EFNB2: variants seen among roughly 807,000 people sequenced by gnomAD.
EFNB2 encodes ephrin-B2.
In EFNB2, 5 loss-of-function variants were observed where a neutral mutation model predicts 32.1. The observed-to-expected ratio is 0.16, with a 90% CI of 0.08 to 0.33. The LOEUF is 0.33. Among genes scored for constraint, EFNB2 ranks in the 10% least tolerant of loss-of-function variants. The pLI is 1.00. For missense variants in EFNB2, 263 were observed against 422.6 expected (o/e 0.62, Z 3.31); for synonymous variants, 168 against 166.5 (o/e 1.01, Z -0.07).
At chr13:106,517,471 G>A (rs1450468683) in intron 1 of EFNB2, 2 of 152,148 alleles carry the variant, frequency 1.3e-5, no homozygotes, top group Non-Finnish European at 2.9e-5. Context: ...AACTGAGCCA[G>A]ACCAGTTCCA....
intron 2 of EFNB2, among the ~76,000 whole-genome samples, chr13:106,502,887 G>A (rs926251343): frequency 1.1e-4 from 17 of 151,972 alleles, no homozygotes; most frequent in Non-Finnish European, 7.4e-5. Flanking sequence ...GTGTCTACAT[G>A]TGTGTGCGTG....
intron 2 of EFNB2, among the ~76,000 whole-genome samples, chr13:106,501,621 C>A (rs1452088044): frequency 5.3e-5 from 8 of 149,982 alleles, no homozygotes; most frequent in African/African-American, 2.0e-4. Context: ...GAGACGGAGT[C>A]TCGCTCTGTC....
chr13:106,493,093 T>C lies in EFNB2; in HGVS notation c.949A>G (p.Ile317Val), dbSNP rs1307104888. ...CTCTGCGGGGGCATCTCCTGGACGATGTACACCGGGTGCCCGTAGTCCCCG... is the reference window on the plus strand; with the variant it reads ...CTCTGCGGGGGCATCTCCTGGACGACGTACACCGGGTGCCCGTAGTCCCCG... Reference protein sequence around the residue: ...VSGDYGHPVYIVQEMPPQSPA... With the variant: ...VSGDYGHPVYVVQEMPPQSPA... Residue 317 changes from isoleucine (I) to valine (V), a missense_variant, in exon 5 of 5, where the codon ATC becomes GTC. Physicochemically the swap from Ile to Val is conservative, Grantham distance 29. This residue lies in a region of EFNB2 where 172 missense variants were observed against 237.1 expected (regional missense o/e 0.73). Transcript: ENST00000646441. The surrounding 1 kb of genome is among the most constrained non-coding windows in gnomAD (Gnocchi z 6.1). 4 of 1,614,010 alleles carry C rather than the reference T, an allele frequency of 2.5e-6. No homozygotes were observed. The highest frequency in any genetic ancestry group is 4.5e-5 in the East Asian group (2 of 44,880).
intron 4 of EFNB2, among the ~76,000 whole-genome samples, chr13:106,494,363 T>C (rs2138897733): frequency 6.6e-6 from 1 of 152,382 alleles, no homozygotes; most frequent in South Asian, 2.1e-4. Flanking sequence ...TATTCTACAC[T>C]TTTGTCAGGG....
intron 2 of EFNB2, among the ~76,000 whole-genome samples, chr13:106,503,764 G>GAA (rs113767795): frequency 3.5e-5 from 5 of 144,696 alleles, no homozygotes; most frequent in Admixed American, 2.1e-4. Context: ...CCCATGTCTT[G>GAA]AAAAAAAAAA....
At chr13:106,517,466 A>AG (rs1367470516) in intron 1 of EFNB2, 8 of 152,174 alleles carry the variant, frequency 5.3e-5, no homozygotes, top group African/African-American at 1.9e-4. Flanking sequence ...GAGAGAACTG[A>AG]GCCAGACCAG....
chr13:106,534,640 C>A (rs1472590329), intron 1 of EFNB2, among the ~76,000 whole-genome samples: 6 of 151,846 alleles, frequency 4.0e-5, no homozygotes, highest in African/African-American at 1.2e-4. Context: ...GGCGGAGAGA[C>A]CGTCCGTTCC....
chr13:106,522,635 C>A (rs1879561784), intron 1 of EFNB2, among the ~76,000 whole-genome samples: 2 of 152,290 alleles, frequency 1.3e-5, no homozygotes, highest in South Asian at 4.1e-4. Context: ...TTAGGGAGAG[C>A]ATATCTTTTG....
rs1555324659 is a variant in EFNB2, at chr13:106,512,392, A to AGT, written c.406+136_406+137insAC. ...ATGAAGTTTTCTTTGAAAAAAAAAAAGGGGGGGGGGACAATTTTTCCACAT... is the reference window on the plus strand; with the variant it reads ...ATGAAGTTTTCTTTGAAAAAAAAAAAGTGGGGGGGGGGACAATTTTTCCACAT... On this transcript the variant is annotated intron_variant, in intron 2 of 4. Transcript: ENST00000646441. The AGT allele has an allele frequency of 1.7e-5, 5 of 301,440 alleles. 1 individual carries two copies. Among genetic ancestry groups the AGT allele is most frequent in the Non-Finnish European group, 2.6e-5 (5 of 191,290 alleles). 18.7% of individuals were successfully genotyped at this position (301,440 alleles called of 1,614,324 possible).
At chr13:106,513,542 A>C (rs1383749269) in intron 1 of EFNB2, among the ~76,000 whole-genome samples, 2 of 152,104 alleles carry the variant, frequency 1.3e-5, no homozygotes, top group Non-Finnish European at 2.9e-5. Context: ...TGCTCCAATT[A>C]ATTCTCAGAA....
At chr13:106,519,161 C>T (rs1466935091) in intron 1 of EFNB2, 1 of 152,148 alleles carries the variant, frequency 6.6e-6, no homozygotes, top group Non-Finnish European at 1.5e-5. Context: ...AGACAGATAA[C>T]TAGGCCAGGT....
At chr13:106,501,241 A>G (rs1224560879) in intron 2 of EFNB2, among the ~76,000 whole-genome samples, 2 of 152,340 alleles carry the variant, frequency 1.3e-5, no homozygotes, top group African/African-American at 4.8e-5. Flanking sequence ...GAATGCCAAA[A>G]ATAAATGACT....
intron 1 of EFNB2, 143 bp from the exon 2 acceptor site, chr13:106,512,955 C>T (rs1338714725): frequency 2.9e-6 from 2 of 699,250 alleles, no homozygotes; most frequent in East Asian, 2.7e-5. Flanking sequence ...TCTCTTACTT[C>T]AGATCAATAT....
At chr13:106,502,318 A>C in intron 2 of EFNB2, among the ~76,000 whole-genome samples, 1 of 152,256 alleles carries the variant, frequency 6.6e-6, no homozygotes, top group East Asian at 1.9e-4. Flanking sequence ...TTGAAATATG[A>C]CTGAAGATGT....
Position 106,535,583 on chromosome 13 carries a change from G to A in EFNB2, c.-619C>T, listed in dbSNP as rs1880055134. 1 of 150,584 alleles carries A rather than the reference G, an allele frequency of 6.6e-6. No homozygotes were observed. The highest frequency in any genetic ancestry group is 2.1e-4 in the South Asian group (1 of 4,828). 9.3% of individuals were successfully genotyped at this position (150,584 alleles called of 1,614,324 possible). ...TCCGGACGCGCGCGGGCCTTTGTGT[G>A]CGGGGAGGGCGCCGGGACCCGCTGC... On this transcript the variant is annotated 5_prime_UTR_variant, in exon 1 of 5. Coordinates refer to ENST00000646441, the MANE Select transcript of EFNB2 (RefSeq NM_004093.4).
chr13:106,490,719 C>T lies in EFNB2; in HGVS notation c.*2321G>A, dbSNP rs1878372952. On this transcript the variant is annotated 3_prime_UTR_variant, in exon 5 of 5. Transcript: ENST00000646441. ...TATGTACTGTGGCTGGTTACCATGG[C>T]AACCCTCCACAGAAATATGATATAG... 1 of 151,730 alleles carries T rather than the reference C, an allele frequency of 6.6e-6. No individual in the cohort carries two copies. The highest frequency in any genetic ancestry group is 2.4e-5 in the African/African-American group (1 of 41,270). 9.4% of individuals were successfully genotyped at this position (151,730 alleles called of 1,614,324 possible).
chr13:106,493,244 C>A lies in EFNB2; in HGVS notation c.798G>T (p.Thr266=), dbSNP rs71640250. The A allele has an allele frequency of 1.2e-6, 2 of 1,614,170 alleles. No homozygotes were observed. Among genetic ancestry groups the A allele is most frequent in the South Asian group, 2.2e-5 (2 of 91,082 alleles). The change falls in exon 5 of 5, where the codon ACG becomes ACT. Residue 266 remains threonine (T), a synonymous_variant. Transcript: ENST00000646441. The surrounding 1 kb of genome is among the most constrained non-coding windows in gnomAD (Gnocchi z 6.1). The part of the protein sequence containing the change: ...HRKHSPQHTT[T]LSLSTLATPK... ...GTGTGGCCAGTGTGCTGAGCGACAG[C>A]GTGGTCGTGTGCTGCGGCGAGTGCT... is the stretch of plus-strand genomic sequence containing the variant.
chr13:106,535,002 G>C lies in EFNB2; in HGVS notation c.-38C>G. On this transcript the variant is annotated 5_prime_UTR_variant, in exon 1 of 5. Transcript: ENST00000646441. ...CCCAGCTCCGCGCACTCCGGGCCAA[G>C]AAGGGACTGACGGGACGCAGGCTGG... 1 of 1,610,494 alleles carries C rather than the reference G, an allele frequency of 6.2e-7. No individual in the cohort carries two copies. The highest frequency in any genetic ancestry group is 8.5e-7 in the Non-Finnish European group (1 of 1,178,394).
At chr13:106,511,200 T>C (rs1401922464) in intron 2 of EFNB2, among the ~76,000 whole-genome samples, 1 of 152,224 alleles carries the variant, frequency 6.6e-6, no homozygotes, top group Non-Finnish European at 1.5e-5. Flanking sequence ...AATTACTCCT[T>C]ACTAAGTATA....
Sources: allele counts gnomAD v4.1 joint callset (sites outside exome capture counted in the v4.1 genomes callset), GRCh38; gene constraint gnomAD v4.1.1; regional missense constraint gnomAD v4.1.1; non-coding constraint Gnocchi (gnomAD v3.1); transcripts MANE v1.5; gene names NCBI Gene and HGNC (gene_info 2026-07-23, HGNC 2026-07-21).